STPG2: variants seen among roughly 807,000 people sequenced by gnomAD.
STPG2 encodes sperm tail PG-rich repeat containing 2.
A neutral mutation model predicts 54.2 loss-of-function variants in STPG2; 56 were observed. The observed-to-expected ratio is 1.03, with a 90% CI of 0.83 to 1.29. The LOEUF is 1.29. Among genes scored for constraint, STPG2 ranks in the 50% most tolerant of loss-of-function variants. The pLI is 0.00. For missense variants in STPG2, 596 were observed against 544.9 expected, an observed-to-expected ratio of 1.09 and a Z score of -0.93; for synonymous variants, 200 against 181.8, an observed-to-expected ratio of 1.10 and a Z score of -0.81.
At chr4:97,858,320 T>G (rs533198022) in intron 8 of STPG2, among the ~76,000 whole-genome samples, 15 of 152,038 alleles carry the variant, frequency 9.9e-5, no homozygotes, top group African/African-American at 3.6e-4. Context: ...ACAAATAACA[T>G]AGAATGGAGC....
rs185491647 is a variant in STPG2 at position 98,140,519 on chromosome 4, G to A, written c.109+2523C>T. 3.4e-3 allele frequency among the ~76,000 whole-genome samples: 519 copies of A among 152,280 alleles called. 7 individuals carry two copies. The highest frequency in any genetic ancestry group is 0.012 in the African/African-American group (506 of 41,558). The stretch of plus-strand genomic sequence containing the variant: ...AAGTCAAGGACAGCTAAATGGAAAA[G>A]AGGAACTAATCAAACAGGCACTGAG... On this transcript the variant is annotated intron_variant, in intron 1 of 10. Transcript: ENST00000295268.
chr4:97,681,646 TG>T (rs1723038782), intron 10 of STPG2, among the ~76,000 whole-genome samples: 1 of 151,888 alleles, frequency 6.6e-6, no homozygotes, highest in South Asian at 2.1e-4. Flanking sequence ...ACATGACTTT[TG>T]TTTTTAATCA....
intron 5 of STPG2, among the ~76,000 whole-genome samples, chr4:97,992,657 G>C (rs910391662): frequency 6.6e-6 from 1 of 152,076 alleles, no homozygotes; most frequent in Admixed American, 6.6e-5. Context: ...ATTTTAATGA[G>C]AATTGCATTG....
intron 10 of STPG2, among the ~76,000 whole-genome samples, chr4:97,627,425 G>T (rs1734162774): frequency 6.6e-6 from 1 of 152,102 alleles, no homozygotes; most frequent in African/African-American, 2.4e-5. Flanking sequence ...AAATTGCAAA[G>T]TAATTTTTCC....
intron 5 of STPG2, among the ~76,000 whole-genome samples, chr4:98,038,570 C>G (rs888385107): frequency 6.6e-6 from 1 of 151,548 alleles, no homozygotes; most frequent in Non-Finnish European, 1.5e-5. Flanking sequence ...AAAAAGTGTT[C>G]CACATAAATG....
At chr4:97,635,754 A>C (rs1721494915) in intron 10 of STPG2, among the ~76,000 whole-genome samples, 2 of 152,156 alleles carry the variant, frequency 1.3e-5, no homozygotes, top group Admixed American at 6.5e-5. Context: ...AGGCCATTAC[A>C]TAATGGTAAA....
intron 8 of STPG2, among the ~76,000 whole-genome samples, chr4:97,929,583 A>G (rs186657696): frequency 1.3e-5 from 2 of 152,240 alleles, no homozygotes; most frequent in East Asian, 3.9e-4. Flanking sequence ...CTGGTGTCAG[A>G]TGGTATCTCA....
Position 98,118,743 on chromosome 4 carries a change from C to A in STPG2, c.388-9438G>T, listed in dbSNP as rs184239827. ...CAGGCAAGCAAATGAATAAAATGAA[C>A]CTGGAATATCTTTTTATGCCAGAAA... On this transcript the variant is annotated intron_variant, in intron 3 of 10. Coordinates refer to ENST00000295268, the MANE Select transcript of STPG2 (RefSeq NM_174952.3). Among the ~76,000 whole-genome samples the A allele has an allele frequency of 1.2e-4, 19 of 152,136 alleles. 1 individual carries two copies. The East Asian group carries it at 2.9e-3, about 23-fold the overall frequency.
intron 10 of STPG2, among the ~76,000 whole-genome samples, chr4:97,629,527 C>T (rs1293302506): frequency 6.6e-6 from 1 of 151,872 alleles, no homozygotes; most frequent in Non-Finnish European, 1.5e-5. Flanking sequence ...TGAACATGCA[C>T]TTTAAGAATG....
chr4:97,929,203 G>A (rs2149216989), intron 8 of STPG2, among the ~76,000 whole-genome samples: 1 of 152,220 alleles, frequency 6.6e-6, no homozygotes, highest in Non-Finnish European at 1.5e-5. Context: ...CACAAAGGCA[G>A]GATCTCATTT....
chr4:97,538,710 C>T lies in STPG2; in HGVS notation c.462+173989G>A, dbSNP rs563493555. On this transcript the variant is annotated intron_variant, in intron 4 of 4. Coordinates refer to the STPG2 transcript ENST00000522676. ...CAGAGAATGCCACAAAGATACTCCT[C>T]AAGAAGAGCAACTCCAAGACACATA... Among the ~76,000 whole-genome samples the T allele has an allele frequency of 2.6e-5, 4 of 152,194 alleles. No individual in the cohort carries two copies. The East Asian group carries it at 7.7e-4, about 29-fold the overall frequency.
rs575960807 is a variant in STPG2, at chr4:97,823,655, G to A, written c.1204+17118C>T. 3.3e-5 allele frequency among the ~76,000 whole-genome samples: 5 copies of A among 152,146 alleles called. No individual in the cohort carries two copies. In the South Asian group the frequency reaches 1.0e-3, roughly 32 times the overall value. The stretch of plus-strand genomic sequence containing the variant: ...AACCATCTCTTGGGGTCTGGATTTG[G>A]ACCCCTTTCTGGTAATATCTTTCTG... On this transcript the variant is annotated intron_variant, in intron 9 of 10. Transcript: ENST00000295268.
chr4:98,139,614 G>A (rs553601146), intron 1 of STPG2, among the ~76,000 whole-genome samples: 1 of 152,012 alleles, frequency 6.6e-6, no homozygotes, highest in African/African-American at 2.4e-5. Flanking sequence ...GAATCCAGCA[G>A]AGAAATCACT....
At chr4:97,445,861 C>T (rs538839922) in intron 4 of STPG2, among the ~76,000 whole-genome samples, 1 of 152,204 alleles carries the variant, frequency 6.6e-6, no homozygotes, top group South Asian at 2.1e-4. Context: ...TAGTTTCCTC[C>T]TGAAATACAA....
intron 5 of STPG2, among the ~76,000 whole-genome samples, chr4:98,031,871 C>G (rs1736611108): frequency 6.6e-6 from 1 of 151,492 alleles, no homozygotes; most frequent in African/African-American, 2.4e-5. Context: ...AGTCAGTAAG[C>G]AAAAAACAAA....
chr4:98,088,001 G>C (rs17027216), intron 5 of STPG2, among the ~76,000 whole-genome samples: 60,184 of 152,058 alleles, frequency 0.4, 12,150 homozygotes, highest in Middle Eastern at 0.46. Context: ...AATGCCATGA[G>C]TGGAATATAT....
chr4:97,564,358 G>A (rs968761061), intron 10 of STPG2, among the ~76,000 whole-genome samples: 35 of 152,142 alleles, frequency 2.3e-4, no homozygotes, highest in Non-Finnish European at 8.8e-5. Flanking sequence ...CCTGAATACA[G>A]CACACTGATG....
At chr4:98,021,914 T>C (rs1171402609) in intron 5 of STPG2, among the ~76,000 whole-genome samples, 5 of 152,074 alleles carry the variant, frequency 3.3e-5, no homozygotes, top group Non-Finnish European at 5.9e-5. Context: ...TGTGTGTCTC[T>C]GCACCTGAGA....
At chr4:97,508,227 T>C (rs1578351158) in intron 4 of STPG2, among the ~76,000 whole-genome samples, 1 of 152,032 alleles carries the variant, frequency 6.6e-6, no homozygotes, top group East Asian at 1.9e-4. Flanking sequence ...AAATAATTTA[T>C]GAAATAGGCA....
Sources: gnomAD v4.1 joint callset for allele counts (sites outside exome capture counted in the v4.1 genomes callset) on GRCh38, gnomAD v4.1.1 for gene constraint, MANE v1.5 for transcripts, NCBI Gene and HGNC (gene_info 2026-07-23, HGNC 2026-07-21) for gene names.